SUGCT: variants seen among roughly 807,000 people sequenced by gnomAD.
SUGCT encodes succinyl-CoA:glutarate-CoA transferase.
SUGCT carries 41 observed loss-of-function variants against 55.0 expected under a neutral mutation model. That is an observed-to-expected ratio of 0.74 (90% CI 0.58 to 0.97). SUGCT has a LOEUF of 0.97. SUGCT is among the 50% of genes least tolerant of loss of function. SUGCT has a pLI of 0.00. For synonymous variants in SUGCT, 187 were observed against 200.4 expected, an observed-to-expected ratio of 0.93 and a Z score of 0.56; for missense variants, 568 against 547.8, an observed-to-expected ratio of 1.04 and a Z score of -0.37.
At chr7:40,144,930 C>G (rs935486678) in intron 1 of SUGCT, among the ~76,000 whole-genome samples, 1 of 152,148 alleles carries the variant, frequency 6.6e-6, no homozygotes, top group Non-Finnish European at 1.5e-5. Flanking sequence ...CTTGTAGACA[C>G]ATTTATCCAA....
At chr7:41,006,979 A>G in the SUGCT span, among the ~76,000 whole-genome samples, 1 of 152,210 alleles carries the variant, frequency 6.6e-6, no homozygotes, top group Non-Finnish European at 1.5e-5. Flanking sequence ...CTATCACAAC[A>G]TATATCTTTG....
At chr7:40,897,205 C>A in the SUGCT span, among the ~76,000 whole-genome samples, 1 of 152,106 alleles carries the variant, frequency 6.6e-6, no homozygotes, top group Non-Finnish European at 1.5e-5. Flanking sequence ...CAAAAATCAA[C>A]TCAAAATGAA....
At chr7:40,863,845 C>A (rs547289894), downstream of SUGCT, among the ~76,000 whole-genome samples, 1 of 152,084 alleles carries the variant, frequency 6.6e-6, no homozygotes, top group East Asian at 1.9e-4. Flanking sequence ...GGTAGGATGT[C>A]AATCTCACTC....
intron 9 of SUGCT, among the ~76,000 whole-genome samples, chr7:40,406,947 G>T (rs1328988016): frequency 6.6e-6 from 1 of 152,056 alleles, no homozygotes; most frequent in African/African-American, 2.4e-5. Context: ...TATACATATG[G>T]ACAGAAAACT....
At chr7:40,228,557 G>A (rs1788528438) in intron 6 of SUGCT, among the ~76,000 whole-genome samples, 1 of 151,990 alleles carries the variant, frequency 6.6e-6, no homozygotes, top group South Asian at 2.1e-4. Context: ...ATAGAAGGTG[G>A]TGTGCAGTTC....
At chr7:40,774,804 G>T (rs1789369369) in intron 13 of SUGCT, among the ~76,000 whole-genome samples, 1 of 150,510 alleles carries the variant, frequency 6.6e-6, no homozygotes, top group Non-Finnish European at 1.5e-5. Context: ...CCACAAATTT[G>T]GTGTGAACAT....
At chr7:40,937,499 A>C in the SUGCT span, among the ~76,000 whole-genome samples, 6,101 of 152,242 alleles carry the variant, frequency 0.04, 140 homozygotes, top group South Asian at 0.074. Flanking sequence ...GTTATATTAA[A>C]GTCTCCAGCC....
At chr7:40,189,257 G>A (rs1227825556) in intron 4 of SUGCT, among the ~76,000 whole-genome samples, 2 of 152,170 alleles carry the variant, frequency 1.3e-5, no homozygotes, top group Admixed American at 6.5e-5. Flanking sequence ...CATGTGAATC[G>A]CCTGAACCCG....
At chr7:40,363,952 T>A (rs1165981304) in intron 9 of SUGCT, among the ~76,000 whole-genome samples, 1 of 152,226 alleles carries the variant, frequency 6.6e-6, no homozygotes, top group Non-Finnish European at 1.5e-5. Context: ...GAGTCTTAAA[T>A]CTCTTTGTAG....
chr7:40,262,451 C>T (rs928121539), intron 7 of SUGCT, among the ~76,000 whole-genome samples: 1 of 148,840 alleles, frequency 6.7e-6, no homozygotes, highest in Non-Finnish European at 1.5e-5. Flanking sequence ...GAGATCGAGA[C>T]CATCCTGGCT....
chr7:40,450,639 T>C (rs1156270129), intron 10 of SUGCT, among the ~76,000 whole-genome samples: 1 of 151,890 alleles, frequency 6.6e-6, no homozygotes, highest in Non-Finnish European at 1.5e-5. Flanking sequence ...TAGCCAGGTG[T>C]GGCAGCCATG....
At chr7:40,622,767 T>A (rs1799335858) in intron 12 of SUGCT, among the ~76,000 whole-genome samples, 1 of 151,844 alleles carries the variant, frequency 6.6e-6, no homozygotes, top group Non-Finnish European at 1.5e-5. Context: ...GGTGGGAAGA[T>A]CTAATTAGGC....
intron 9 of SUGCT, among the ~76,000 whole-genome samples, chr7:40,421,239 T>C (rs1787289521): frequency 1.3e-5 from 2 of 152,206 alleles, no homozygotes; most frequent in Admixed American, 6.5e-5. Context: ...CTGGGGACTT[T>C]CCTAGCCTCT....
intron 9 of SUGCT, among the ~76,000 whole-genome samples, chr7:40,343,416 G>A (rs1797152912): frequency 6.6e-6 from 1 of 152,000 alleles, no homozygotes; most frequent in Non-Finnish European, 1.5e-5. Context: ...TCTTTGTAAG[G>A]CTGAGGAAAC....
chr7:40,196,100 G>T (rs1786275636), intron 6 of SUGCT, among the ~76,000 whole-genome samples: 1 of 152,138 alleles, frequency 6.6e-6, no homozygotes, highest in Non-Finnish European at 1.5e-5. Context: ...TAAGCCAAAG[G>T]AAGGAAAAGA....
At chr7:40,643,884 C>T (rs1342532426) in intron 12 of SUGCT, among the ~76,000 whole-genome samples, 1 of 152,182 alleles carries the variant, frequency 6.6e-6, no homozygotes, top group Non-Finnish European at 1.5e-5. Flanking sequence ...CTTTCTATGG[C>T]TCAGCCCCCT....
intron 9 of SUGCT, among the ~76,000 whole-genome samples, chr7:40,415,285 A>AAT (rs1786936003): frequency 2.7e-5 from 4 of 150,802 alleles, no homozygotes; most frequent in African/African-American, 9.7e-5. Context: ...AAAAAAAAAA[A>AAT]AATTTGGCCA....
chr7:40,568,006 A>G (rs1403956727), intron 12 of SUGCT, among the ~76,000 whole-genome samples: 1 of 152,204 alleles, frequency 6.6e-6, no homozygotes, highest in Admixed American at 6.5e-5. Context: ...TCTTCAAATG[A>G]ATGATTCCAT....
chr7:40,599,426 G>A (rs1256951965), intron 12 of SUGCT, among the ~76,000 whole-genome samples: 1 of 152,076 alleles, frequency 6.6e-6, no homozygotes, highest in Non-Finnish European at 1.5e-5. Flanking sequence ...TGCTTTGAGG[G>A]TCATATTAAC....
Sources: gnomAD v4.1 joint callset for allele counts (sites outside exome capture counted in the v4.1 genomes callset) on GRCh38, gnomAD v4.1.1 for gene constraint, MANE v1.5 for transcripts, NCBI Gene and HGNC (gene_info 2026-07-23, HGNC 2026-07-21) for gene names.